The following COL4A3 variants were observed in gnomAD, a reference collection of about 807,000 sequenced individuals.
COL4A3 encodes the protein collagen alpha-3(IV) chain.
Under a neutral mutation model 217.4 loss-of-function variants are expected in COL4A3, and 135 were observed. That is an observed-to-expected ratio of 0.62 (90% CI 0.54 to 0.72). The LOEUF is 0.72. COL4A3 is among the 30% of genes least tolerant of loss of function. The pLI, the probability that COL4A3 is intolerant of heterozygous loss-of-function variation, is 0.00. For missense variants in COL4A3, 1,868 were observed against 2,119.9 expected, an observed-to-expected ratio of 0.88 and a Z score of 2.33; for synonymous variants, 690 against 736.3, an observed-to-expected ratio of 0.94 and a Z score of 1.02.
At position 227,191,595 on chromosome 2, in the gene COL4A3, G is replaced by A. The variant is rs2066244733; in HGVS notation, c.87+26782G>A. Among the ~76,000 whole-genome samples the A allele has an allele frequency of 6.6e-6, 1 of 152,184 alleles. No homozygotes were observed. Among genetic ancestry groups the A allele is most frequent in the Non-Finnish European group, 1.5e-5 (1 of 68,032 alleles). ...AGATTACAGTGACTCAGCAAATCAG[G>A]ATGATCAGATTTCAAAGTCGGCCAA... On this transcript the variant is annotated intron_variant, in intron 1 of 51. Coordinates refer to ENST00000396578, the MANE Select transcript of COL4A3 (RefSeq NM_000091.5). This position sits in a 1 kb window ranked among gnomAD's most constrained non-coding sequence, Gnocchi z 6.8.
intron 21 of COL4A3, chr2:227,265,113 G>A (rs972449870): frequency 6.6e-6 from 1 of 152,162 alleles, no homozygotes; most frequent in African/African-American, 2.4e-5. Flanking sequence ...GGCTGTTTAA[G>A]CCCAGTATGT....
chr2:227,304,083 C>T lies in COL4A3; in HGVS notation c.4092C>T (p.Gly1364=). The T allele has an allele frequency of 6.2e-7, 1 of 1,614,130 alleles. No individual in the cohort carries two copies. Among genetic ancestry groups the T allele is most frequent in the South Asian group, 1.1e-5 (1 of 91,078 alleles). Reference sequence around the variant, plus strand: ...TTCCAGGAAGCCCAGGGCCACCTGGCACACCTGGAGAACCAGGGATGCAGG... The same window carrying T: ...TTCCAGGAAGCCCAGGGCCACCTGGTACACCTGGAGAACCAGGGATGCAGG... ...ISLPGSPGPP[G]TPGEPGMQGE... is the part of the protein sequence containing the mutation. The change falls in exon 46 of 52, where the codon GGC becomes GGT. Residue 1364 remains glycine, a synonymous_variant. Transcript: ENST00000396578.
In COL4A3 at chr2:227,294,471, C is replaced by T; in HGVS notation, c.3338-19C>T. ...CTTTTGGTGATCTTTTTTCTTCCTT[C>T]CCCTCTCTTCATTTCCAGGAAAGCC... On this transcript the variant is annotated intron_variant, in intron 38 of 51. Coordinates refer to ENST00000396578, the MANE Select transcript of COL4A3 (RefSeq NM_000091.5). 6.6e-7 allele frequency: 1 copy of T among 1,506,784 alleles called. No homozygotes were observed. Among genetic ancestry groups the T allele is most frequent in the Non-Finnish European group, 9.2e-7 (1 of 1,082,204 alleles). 93.3% of individuals were successfully genotyped at this position (1,506,784 alleles called of 1,614,324 possible).
chr2:227,290,724 CTA>C (rs2072643623), intron 36 of COL4A3, 21 bp from the exon 37 acceptor site: 1 of 1,610,824 alleles, frequency 6.2e-7, no homozygotes, highest in South Asian at 1.1e-5. Context: ...CTATTTTACT[CTA>C]TGTTTTCCCC....
chr2:227,237,143 T>A (rs982861059), intron 1 of COL4A3, among the ~76,000 whole-genome samples: 2 of 152,136 alleles, frequency 1.3e-5, no homozygotes, highest in Admixed American at 6.5e-5. Context: ...ACAGCTGAAT[T>A]TTTTGTTTTG....
At chr2:227,243,632 A>G (rs1412995512) in intron 3 of COL4A3, among the ~76,000 whole-genome samples, 1 of 152,214 alleles carries the variant, frequency 6.6e-6, no homozygotes, top group African/African-American at 2.4e-5. Context: ...ATCAAAACAT[A>G]CTGAAACTCT....
At position 227,164,639 on chromosome 2, in the gene COL4A3, G is replaced by A; in HGVS notation, c.-88G>A. 3 of 1,519,166 alleles carry A rather than the reference G, an allele frequency of 2.0e-6. No individual in the cohort carries two copies. The highest frequency in any genetic ancestry group is 2.3e-4 in the Middle Eastern group (1 of 4,324). The allele number at this position is 1,519,166 out of a possible 1,614,324, so 94.1% of individuals were successfully genotyped here. On this transcript the variant is annotated 5_prime_UTR_variant, in exon 1 of 52. Coordinates refer to ENST00000396578, the MANE Select transcript of COL4A3 (RefSeq NM_000091.5). The surrounding 1 kb of genome is among the most constrained non-coding windows in gnomAD (Gnocchi z 4.8). Reference sequence around the variant, plus strand: ...GTGGCGAGGCGAGCTTTCCAGCCGGGCTCCCAGAGCCGCGCTGCGCAGGAG... The same window carrying A: ...GTGGCGAGGCGAGCTTTCCAGCCGGACTCCCAGAGCCGCGCTGCGCAGGAG...
At chr2:227,298,863 AATTATT>A (rs757654724) in intron 43 of COL4A3, 51 bp downstream of exon 43, 138 of 1,493,280 alleles carry the variant, frequency 9.2e-5, no homozygotes, top group Middle Eastern at 2.3e-4. Context: ...ATCAACTTAT[AATTATT>A]CTTATATTGT....
intron 1 of COL4A3, among the ~76,000 whole-genome samples, chr2:227,200,336 G>A (rs6711617): frequency 0.14 from 21,330 of 151,380 alleles, 1,697 homozygotes; most frequent in Non-Finnish European, 0.16. Flanking sequence ...GCAACCCAAA[G>A]CACCACACTC....
At chr2:227,176,662 G>A (rs1410801227) in intron 1 of COL4A3, among the ~76,000 whole-genome samples, 1 of 152,088 alleles carries the variant, frequency 6.6e-6, no homozygotes. Context: ...GAGATTTGTC[G>A]TTATGTAGAC....
chr2:227,263,440 C>T (rs931940774), intron 20 of COL4A3, among the ~76,000 whole-genome samples: 4 of 152,202 alleles, frequency 2.6e-5, no homozygotes, highest in African/African-American at 4.8e-5. Context: ...GGGGCATCCT[C>T]TAGTCTCTAA....
In COL4A3 at chr2:227,195,654, C is replaced by CAT. The variant is rs113636594; in HGVS notation, c.87+30854_87+30855dup. 3.9e-3 allele frequency among the ~76,000 whole-genome samples: 560 copies of CAT among 143,166 alleles called. 1 individual carries two copies. The highest frequency in any genetic ancestry group is 0.012 in the African/African-American group (443 of 37,884). The allele number at this position is 143,166 out of a possible 152,430, so 93.9% of individuals were successfully genotyped here. On this transcript the variant is annotated intron_variant, in intron 1 of 51. Transcript: ENST00000396578. Reference sequence around the variant, plus strand: ...TATTATTATTTTAGAGTCTATGCCACATATATATATATATGTGTGTGTGTG... The same window carrying CAT: ...TATTATTATTTTAGAGTCTATGCCACATATATATATATATATGTGTGTGTGTG...
intron 1 of COL4A3, among the ~76,000 whole-genome samples, chr2:227,236,379 C>T (rs993430219): frequency 2.6e-5 from 4 of 152,124 alleles, no homozygotes; most frequent in African/African-American, 7.2e-5. Context: ...GGCCTACTGC[C>T]CAAGACTAAG....
At position 227,253,394 on chromosome 2, in the gene COL4A3, T is replaced by C. The variant is rs758581275; in HGVS notation, c.687+57T>C. ...GAGATATTTTATGTCCCAGAGCATA[T>C]CAGCCTATACCGTTTACTTACGGGC... On this transcript the variant is annotated intron_variant, in intron 12 of 51. Coordinates refer to ENST00000396578, the MANE Select transcript of COL4A3 (RefSeq NM_000091.5). The surrounding 1 kb of genome is among the most constrained non-coding windows in gnomAD (Gnocchi z 4.4). 2 of 1,573,620 alleles carry C rather than the reference T, an allele frequency of 1.3e-6. No individual in the cohort carries two copies. Among genetic ancestry groups the C allele is most frequent in the East Asian group, 2.2e-5 (1 of 44,672 alleles).
chr2:227,206,578 C>T (rs2125773198), intron 1 of COL4A3, among the ~76,000 whole-genome samples: 1 of 152,214 alleles, frequency 6.6e-6, no homozygotes, highest in Non-Finnish European at 1.5e-5. Context: ...ATGGCTGGAT[C>T]CTTCCAAATG....
At chr2:227,267,825 T>C (rs2071000436) in intron 23 of COL4A3, among the ~76,000 whole-genome samples, 1 of 150,574 alleles carries the variant, frequency 6.6e-6, no homozygotes, top group Non-Finnish European at 1.5e-5. Context: ...TTATAGCCAG[T>C]GTCCTGAGGC....
intron 3 of COL4A3, among the ~76,000 whole-genome samples, chr2:227,240,782 A>G (rs1355917065): frequency 6.6e-6 from 1 of 152,252 alleles, no homozygotes; most frequent in Non-Finnish European, 1.5e-5. Context: ...TCTTAAAAGA[A>G]TAGTCAAACA....
chr2:227,253,637 C>G lies in COL4A3; in HGVS notation c.764C>G (p.Thr255Arg). 6.2e-7 allele frequency: 1 copy of G among 1,613,332 alleles called. No homozygotes were observed. The highest frequency in any genetic ancestry group is 8.5e-7 in the Non-Finnish European group (1 of 1,179,392). ...IVTLTGPDNRTDLKGEKGDKG... is the reference protein window; with the variant it reads ...IVTLTGPDNRRDLKGEKGDKG... ...ACCCTAACTGGCCCAGATAACAGAA[C>G]GGTAACTCTGCGATTTTATGATTAG... The change falls in exon 13 of 52, where the codon ACG becomes AGG. Residue 255 changes from threonine to arginine, a missense_variant and splice_region_variant. Physicochemically the swap from Thr to Arg is moderately conservative, Grantham distance 71 (BLOSUM62 -1). This residue lies in a region of COL4A3 where 365 missense variants were observed against 333.8 expected (regional missense o/e 1.09). Coordinates refer to ENST00000396578, the MANE Select transcript of COL4A3 (RefSeq NM_000091.5). This position sits in a 1 kb window ranked among gnomAD's most constrained non-coding sequence, Gnocchi z 4.4.
chr2:227,216,812 CT>C (rs922567381), intron 1 of COL4A3, among the ~76,000 whole-genome samples: 3 of 152,158 alleles, frequency 2.0e-5, no homozygotes, highest in Non-Finnish European at 4.4e-5. Context: ...GATTATGTCA[CT>C]TTCAGTCTGT....
Sources: gnomAD v4.1 joint callset for allele counts (sites outside exome capture counted in the v4.1 genomes callset) on GRCh38, gnomAD v4.1.1 for gene constraint, gnomAD v4.1.1 regional missense constraint, Gnocchi (gnomAD v3.1) non-coding constraint, MANE v1.5 for transcripts, NCBI Gene and HGNC (gene_info 2026-07-23, HGNC 2026-07-21) for gene names.